MAP3K13: variants seen among roughly 807,000 people sequenced by gnomAD.
MAP3K13 encodes leucine zipper-bearing kinase.
MAP3K13 carries 52 observed loss-of-function variants against 104.0 expected under a neutral mutation model. The observed-to-expected ratio is 0.50, with a 90% CI of 0.40 to 0.63. The LOEUF (loss-of-function observed/expected upper bound fraction) is 0.63, where lower values mean the gene tolerates loss of function less well. Among genes scored for constraint, MAP3K13 ranks in the 20% least tolerant of loss-of-function variants. MAP3K13 has a pLI of 0.00. For missense variants in MAP3K13, 914 were observed against 1,218.5 expected (o/e 0.75, Z 3.72); for synonymous variants, 394 against 442.2 (o/e 0.89, Z 1.37).
At chr3:185,384,754 G>A (rs552097797) in intron 1 of MAP3K13, among the ~76,000 whole-genome samples, 3 of 152,090 alleles carry the variant, frequency 2.0e-5, no homozygotes, top group East Asian at 3.9e-4. Context: ...GTCTTCTTTT[G>A]AGAAATGTCT....
At chr3:185,372,928 A>G (rs1724230636) in intron 1 of MAP3K13, among the ~76,000 whole-genome samples, 1 of 152,214 alleles carries the variant, frequency 6.6e-6, no homozygotes, top group Non-Finnish European at 1.5e-5. Flanking sequence ...TGTACCTGAG[A>G]CTGTCCTGCT....
intron 1 of MAP3K13, among the ~76,000 whole-genome samples, chr3:185,407,869 A>ATTTT (rs35693572): frequency 9.0e-4 from 62 of 69,070 alleles, no homozygotes; most frequent in Middle Eastern, 8.8e-3. Context: ...AATTTTGAGA[A>ATTTT]TTTTTTTTTT....
At chr3:185,369,861 ATGT>A (rs1462372960) in intron 1 of MAP3K13, among the ~76,000 whole-genome samples, 1 of 152,146 alleles carries the variant, frequency 6.6e-6, no homozygotes, top group Non-Finnish European at 1.5e-5. Context: ...TAAAATCAAC[ATGT>A]TTTCTCTTTA....
intron 1 of MAP3K13, among the ~76,000 whole-genome samples, chr3:185,403,194 C>A (rs1475192615): frequency 6.6e-6 from 1 of 152,222 alleles, no homozygotes; most frequent in East Asian, 1.9e-4. Flanking sequence ...TAATTCAGAT[C>A]AGTTGAGAGT....
At chr3:185,431,323 A>G (rs1424306012) in intron 2 of MAP3K13, among the ~76,000 whole-genome samples, 1 of 152,214 alleles carries the variant, frequency 6.6e-6, no homozygotes, top group Non-Finnish European at 1.5e-5. Flanking sequence ...ATAATATTAA[A>G]TGATGTGAAT....
exon 2 of MAP3K13, chr3:185,285,566 GA>G: frequency 6.6e-7 from 1 of 1,509,926 alleles, no homozygotes; most frequent in Non-Finnish European, 8.9e-7. Flanking sequence ...TTCATTTAAA[GA>G]AACCCACGGA....
chr3:185,437,637 C>G lies in MAP3K13; in HGVS notation c.659+7C>G, dbSNP rs762902034. On this transcript the variant is annotated splice_region_variant and intron_variant, in intron 3 of 13. Transcript: ENST00000265026. ...CTAACATCATCGCATTCAAGTAGGT[C>G]AAGGCTTTTTTTTTTTAAGAAGTAG... 7.0e-7 allele frequency: 1 copy of G among 1,437,134 alleles called. No homozygotes were observed. Among genetic ancestry groups the G allele is most frequent in the South Asian group, 1.3e-5 (1 of 79,162 alleles). The allele number at this position is 1,437,134 out of a possible 1,614,324, so 89.0% of individuals were successfully genotyped here.
intron 2 of MAP3K13, among the ~76,000 whole-genome samples, chr3:185,347,721 C>T (rs1014952504): frequency 6.6e-6 from 1 of 151,988 alleles, no homozygotes; most frequent in Non-Finnish European, 1.5e-5. Context: ...TCAGAAATAT[C>T]AATGTAGCCA....
At chr3:185,383,455 G>A (rs551492893) in intron 1 of MAP3K13, among the ~76,000 whole-genome samples, 5 of 151,830 alleles carry the variant, frequency 3.3e-5, no homozygotes, top group South Asian at 2.1e-4. Flanking sequence ...CCAGCTACTC[G>A]GGAGGCTGAG....
chr3:185,412,929 C>T (rs186013845), intron 1 of MAP3K13, among the ~76,000 whole-genome samples: 12 of 152,298 alleles, frequency 7.9e-5, no homozygotes, highest in African/African-American at 2.6e-4. Context: ...CTGCCTTTCA[C>T]CTACACTAGT....
intron 7 of MAP3K13, 86 bp from the exon 8 acceptor site, chr3:185,463,464 G>GA (rs978381168): frequency 3.6e-5 from 27 of 741,358 alleles, no homozygotes; most frequent in South Asian, 1.2e-4. Flanking sequence ...AGCATGCAGG[G>GA]AAAAAAAATC....
At chr3:185,451,015 A>G (rs1043175428) in intron 6 of MAP3K13, among the ~76,000 whole-genome samples, 4 of 152,132 alleles carry the variant, frequency 2.6e-5, no homozygotes, top group Non-Finnish European at 4.4e-5. Flanking sequence ...GCGTGAACCC[A>G]GGAGGCGGAG....
upstream of MAP3K13, among the ~76,000 whole-genome samples, chr3:185,361,255 T>C (rs1465724381): frequency 2.0e-5 from 3 of 151,556 alleles, no homozygotes; most frequent in Non-Finnish European, 4.4e-5. Flanking sequence ...AAAGTTTGCC[T>C]CTTTCCATTA....
intron 1 of MAP3K13, among the ~76,000 whole-genome samples, chr3:185,393,757 G>A (rs973868977): frequency 2.0e-5 from 3 of 152,088 alleles, no homozygotes; most frequent in South Asian, 2.1e-4. Context: ...GCGCCCAGCC[G>A]TAAATATCTT....
intron 2 of MAP3K13, among the ~76,000 whole-genome samples, chr3:185,286,325 T>C (rs934734161): frequency 6.6e-6 from 1 of 152,148 alleles, no homozygotes. Context: ...TCACTAAACA[T>C]TAAACTTACA....
rs181877580 is a variant in MAP3K13 at position 185,418,384 on chromosome 3, G to C, written c.-85-10113G>C. 1 of 1,604,502 alleles carries C rather than the reference G, an allele frequency of 6.2e-7. No individual in the cohort carries two copies. The highest frequency in any genetic ancestry group is 2.2e-5 in the East Asian group (1 of 44,852). ...TTTAGACATGACCAGTGCTGGTAGGGCTGAGGCAGCCAGGGCAGAACAGAT... is the reference window on the plus strand; with the variant it reads ...TTTAGACATGACCAGTGCTGGTAGGCCTGAGGCAGCCAGGGCAGAACAGAT... On this transcript the variant is annotated intron_variant, in intron 1 of 13. Transcript: ENST00000265026. This position sits in a 1 kb window ranked among gnomAD's most constrained non-coding sequence, Gnocchi z 4.5.
intron 2 of MAP3K13, among the ~76,000 whole-genome samples, chr3:185,318,614 G>A (rs1164276834): frequency 2.0e-5 from 3 of 152,120 alleles, no homozygotes; most frequent in Non-Finnish European, 2.9e-5. Context: ...AATTATGTTG[G>A]TAGCTTTCAA....
intron 11 of MAP3K13, 45 bp from the exon 12 acceptor site, chr3:185,477,281 A>C: frequency 8.2e-7 from 1 of 1,219,110 alleles, no homozygotes. Context: ...AGAGAGACAG[A>C]GTGACACTAA....
chr3:185,470,507 C>G (rs774320462), intron 10 of MAP3K13, among the ~76,000 whole-genome samples: 2 of 152,160 alleles, frequency 1.3e-5, no homozygotes, highest in Non-Finnish European at 2.9e-5. Context: ...CGCACTAGCC[C>G]GTCTCTTCCT....
Sources: allele counts gnomAD v4.1 joint callset (sites outside exome capture counted in the v4.1 genomes callset), GRCh38; gene constraint gnomAD v4.1.1; non-coding constraint Gnocchi (gnomAD v3.1); transcripts MANE v1.5; gene names NCBI Gene and HGNC (gene_info 2026-07-23, HGNC 2026-07-21).